The following RALGPS1 variants were observed in gnomAD, a reference collection of about 807,000 sequenced individuals.
RALGPS1 encodes Ral GEF with PH domain and SH3 binding motif 1.
A neutral mutation model predicts 78.8 loss-of-function variants in RALGPS1; 19 were observed. The observed-to-expected ratio is 0.24, with a 90% CI of 0.17 to 0.35. The LOEUF (loss-of-function observed/expected upper bound fraction) is 0.35. Among genes scored for constraint, RALGPS1 ranks in the 10% least tolerant of loss-of-function variants. The probability of loss-of-function intolerance (pLI) is 1.00; values close to 1 mark genes in which losing one functional copy is unlikely to be tolerated. For missense variants in RALGPS1, 454 were observed against 688.3 expected, an observed-to-expected ratio of 0.66 and a Z score of 3.81; for synonymous variants, 228 against 256.3, an observed-to-expected ratio of 0.89 and a Z score of 1.06.
At chr9:127,210,520 C>A in intron 14 of RALGPS1, 3 of 601,554 alleles carry the variant, frequency 5.0e-6, no homozygotes, top group Non-Finnish European at 8.9e-6. Context: ...GGCCTGGCAG[C>A]TCCAGGTGTG....
chr9:127,115,354 T>C (rs1238574476), intron 8 of RALGPS1, among the ~76,000 whole-genome samples: 2 of 152,200 alleles, frequency 1.3e-5, no homozygotes, highest in Non-Finnish European at 2.9e-5. Flanking sequence ...CACACCTGGC[T>C]AATTTTTGTA....
At chr9:127,174,598 G>C in intron 10 of RALGPS1, 117 bp from the exon 11 acceptor site, 1 of 866,132 alleles carries the variant, frequency 1.2e-6, no homozygotes, top group Non-Finnish European at 1.9e-6. Context: ...CTGTGATCTG[G>C]AGCAGATCTC....
chr9:126,941,370 C>A (rs964292099), intron 1 of RALGPS1, among the ~76,000 whole-genome samples: 5 of 152,080 alleles, frequency 3.3e-5, no homozygotes, highest in African/African-American at 1.2e-4. Flanking sequence ...ATTCCATTTA[C>A]CCTGATGTGA....
At chr9:127,133,043 A>G (rs574561160) in intron 8 of RALGPS1, among the ~76,000 whole-genome samples, 1 of 152,206 alleles carries the variant, frequency 6.6e-6, no homozygotes, top group South Asian at 2.1e-4. Flanking sequence ...AAAAGCACCT[A>G]CTTCATAGAG....
intron 4 of RALGPS1, among the ~76,000 whole-genome samples, chr9:126,983,916 A>G (rs979027920): frequency 5.9e-5 from 9 of 152,086 alleles, no homozygotes; most frequent in African/African-American, 2.2e-4. Flanking sequence ...CACATGTCAC[A>G]TTAGGAGACA....
At chr9:127,071,183 A>AT (rs1756666410) in intron 8 of RALGPS1, among the ~76,000 whole-genome samples, 2 of 151,560 alleles carry the variant, frequency 1.3e-5, no homozygotes, top group Admixed American at 1.3e-4. Context: ...CATACTTTGT[A>AT]TTTTTTGTTT....
At chr9:127,187,481 G>GT (rs1197776641) in intron 11 of RALGPS1, among the ~76,000 whole-genome samples, 1 of 152,242 alleles carries the variant, frequency 6.6e-6, no homozygotes, top group Non-Finnish European at 1.5e-5. Flanking sequence ...GCTACTAAGA[G>GT]TTTCCACCTC....
intron 8 of RALGPS1, among the ~76,000 whole-genome samples, chr9:127,084,024 C>T (rs56042341): frequency 0.38 from 57,756 of 151,910 alleles, 12,710 homozygotes; most frequent in Non-Finnish European, 0.48. Context: ...GAGCCTCCCA[C>T]CTCAGCTTCC....
chr9:126,924,341 G>T (rs891762099), intron 1 of RALGPS1, among the ~76,000 whole-genome samples: 10 of 152,208 alleles, frequency 6.6e-5, no homozygotes, highest in African/African-American at 2.2e-4. Context: ...AGTGTTGGTG[G>T]CTAGTTAAGA....
intron 8 of RALGPS1, among the ~76,000 whole-genome samples, chr9:127,114,495 AC>A (rs1253688237): frequency 6.6e-6 from 1 of 152,224 alleles, no homozygotes; most frequent in Non-Finnish European, 1.5e-5. Context: ...AGGCAGGACG[AC>A]GACAGGAGTG....
At chr9:127,052,610 C>T (rs1283564628) in intron 6 of RALGPS1, among the ~76,000 whole-genome samples, 4 of 152,214 alleles carry the variant, frequency 2.6e-5, no homozygotes, top group African/African-American at 7.2e-5. Context: ...AACCTTACCC[C>T]GTGCCACGTT....
chr9:127,045,511 A>T (rs974715443), intron 5 of RALGPS1, among the ~76,000 whole-genome samples: 1 of 152,210 alleles, frequency 6.6e-6, no homozygotes, highest in African/African-American at 2.4e-5. Context: ...ATAGATGAAT[A>T]TAAGAGAGTA....
intron 5 of RALGPS1, among the ~76,000 whole-genome samples, chr9:127,040,158 T>C (rs563464205): frequency 6.6e-6 from 1 of 152,176 alleles, no homozygotes; most frequent in African/African-American, 2.4e-5. Context: ...CCCAGCACTT[T>C]GGGAGGCCAA....
chr9:127,050,241 C>G (rs576544601), intron 6 of RALGPS1, 109 bp downstream of exon 6: 16 of 920,460 alleles, frequency 1.7e-5, no homozygotes, highest in Admixed American at 5.9e-5. Context: ...GTGGGCCTGC[C>G]AGGCACAGTT....
At chr9:126,922,865 A>G (rs1588450154) in intron 1 of RALGPS1, among the ~76,000 whole-genome samples, 4 of 152,226 alleles carry the variant, frequency 2.6e-5, no homozygotes. Flanking sequence ...AAAAGCCTCC[A>G]GTGGCTTCTA....
intron 8 of RALGPS1, among the ~76,000 whole-genome samples, chr9:127,126,466 C>T (rs2056625028): frequency 6.6e-6 from 1 of 152,082 alleles, no homozygotes; most frequent in African/African-American, 2.4e-5. Flanking sequence ...ATTTTTTATG[C>T]TCAATTATCT....
intron 8 of RALGPS1, among the ~76,000 whole-genome samples, chr9:127,161,697 G>A (rs1442594862): frequency 6.6e-6 from 1 of 152,154 alleles, no homozygotes; most frequent in East Asian, 1.9e-4. Context: ...GGGAAATCAG[G>A]CAGGGACAGC....
At chr9:127,074,665 C>A (rs1298367146) in intron 8 of RALGPS1, among the ~76,000 whole-genome samples, 3 of 152,250 alleles carry the variant, frequency 2.0e-5, no homozygotes, top group Admixed American at 2.0e-4. Context: ...GTGCCTAGCA[C>A]TTTGCTAGGC....
At chr9:127,072,618 T>C (rs1255881538) in intron 8 of RALGPS1, among the ~76,000 whole-genome samples, 1 of 152,228 alleles carries the variant, frequency 6.6e-6, no homozygotes, top group Admixed American at 6.5e-5. Flanking sequence ...TAAGATCGGT[T>C]TTTATACATG....
Sources: allele counts gnomAD v4.1 joint callset (sites outside exome capture counted in the v4.1 genomes callset), GRCh38; gene constraint gnomAD v4.1.1; transcripts MANE v1.5; gene names NCBI Gene and HGNC (gene_info 2026-07-23, HGNC 2026-07-21).